The following SLC1A2 variants were observed in gnomAD, a reference collection of about 807,000 sequenced individuals.
SLC1A2 encodes the protein solute carrier family 1 member 2.
In SLC1A2, 15 loss-of-function variants were observed where a neutral mutation model predicts 48.8. The ratio of observed to expected loss-of-function variants is 0.31; its 90% confidence interval spans 0.21 to 0.47. The LOEUF (loss-of-function observed/expected upper bound fraction) is 0.47, where lower values mean the gene tolerates loss of function less well. SLC1A2 is among the 20% of genes least tolerant of loss of function. The pLI, the probability that SLC1A2 is intolerant of heterozygous loss-of-function variation, is 0.99. For synonymous variants in SLC1A2, 279 were observed against 272.6 expected (o/e 1.02, Z -0.23); for missense variants, 502 against 730.5 (o/e 0.69, Z 3.61).
intron 1 of SLC1A2, among the ~76,000 whole-genome samples, chr11:35,375,127 G>A (rs1189375250): frequency 6.6e-6 from 1 of 152,052 alleles, no homozygotes; most frequent in African/African-American, 2.4e-5. Context: ...GTGTAACATG[G>A]ATTTTTCAGA....
chr11:35,351,714 C>T (rs1246699925), intron 1 of SLC1A2, among the ~76,000 whole-genome samples: 2 of 152,186 alleles, frequency 1.3e-5, no homozygotes, highest in African/African-American at 4.8e-5. Flanking sequence ...CGGCTCACTA[C>T]AACCCTCTCC....
intron 9 of SLC1A2, among the ~76,000 whole-genome samples, chr11:35,267,424 T>C (rs1466848727): frequency 2.0e-5 from 3 of 152,186 alleles, no homozygotes; most frequent in Non-Finnish European, 4.4e-5. Flanking sequence ...CTTCCGGACA[T>C]TTAATAAGAA....
At chr11:35,321,578 A>G (rs895039938) in intron 1 of SLC1A2, among the ~76,000 whole-genome samples, 1 of 152,116 alleles carries the variant, frequency 6.6e-6, no homozygotes. Flanking sequence ...TCAAATGAAT[A>G]TGTAATAAGT....
intron 2 of SLC1A2, 60 bp from the exon 3 acceptor site, chr11:35,315,235 T>C (rs1851837639): frequency 3.9e-6 from 5 of 1,276,280 alleles, no homozygotes; most frequent in Non-Finnish European, 5.6e-6. Context: ...TGACTTACTC[T>C]AGACACTTAT....
At chr11:35,353,669 T>C (rs1853348587) in intron 1 of SLC1A2, among the ~76,000 whole-genome samples, 1 of 152,204 alleles carries the variant, frequency 6.6e-6, no homozygotes, top group Non-Finnish European at 1.5e-5. Context: ...CAAATATCCC[T>C]AATAGCAAGG....
chr11:35,366,213 G>A (rs1414028150), intron 1 of SLC1A2, among the ~76,000 whole-genome samples: 2 of 152,154 alleles, frequency 1.3e-5, no homozygotes, highest in East Asian at 1.9e-4. Flanking sequence ...CCCTGAAGAC[G>A]TCCTTTGCCA....
At chr11:35,389,053 C>T (rs777027957) in intron 1 of SLC1A2, among the ~76,000 whole-genome samples, 3 of 152,096 alleles carry the variant, frequency 2.0e-5, no homozygotes, top group African/African-American at 4.8e-5. Flanking sequence ...AATATACCCA[C>T]GTAACAAACA....
intron 4 of SLC1A2, among the ~76,000 whole-genome samples, chr11:35,311,697 G>C (rs1331066869): frequency 1.3e-5 from 2 of 151,710 alleles, no homozygotes; most frequent in Non-Finnish European, 2.9e-5. Context: ...GATTGTGTAG[G>C]GTATTTGTAT....
intron 1 of SLC1A2, among the ~76,000 whole-genome samples, chr11:35,335,198 G>A (rs1852584685): frequency 1.3e-5 from 2 of 152,084 alleles, no homozygotes; most frequent in African/African-American, 4.8e-5. Context: ...GTTGTGTATT[G>A]TTGTATTTTG....
intron 1 of SLC1A2, among the ~76,000 whole-genome samples, chr11:35,361,410 G>A (rs115649668): frequency 0.014 from 2,156 of 152,176 alleles, 59 homozygotes; most frequent in African/African-American, 0.049. Flanking sequence ...TTGATCCAAG[G>A]AACATACTCT....
intron 1 of SLC1A2, among the ~76,000 whole-genome samples, chr11:35,395,578 G>A (rs1224208151): frequency 6.6e-6 from 1 of 152,070 alleles, no homozygotes; most frequent in Non-Finnish European, 1.5e-5. Flanking sequence ...TCCATACTGG[G>A]TGGGAAGAAG....
intron 1 of SLC1A2, among the ~76,000 whole-genome samples, chr11:35,409,679 C>A (rs1034815648): frequency 1.2e-4 from 19 of 152,028 alleles, no homozygotes; most frequent in African/African-American, 4.6e-4. Context: ...GAGGCCTAGG[C>A]GGATGGATTA....
intron 1 of SLC1A2, chr11:35,370,814 G>C: frequency 3.8e-6 from 1 of 265,566 alleles, no homozygotes; most frequent in Non-Finnish European, 5.8e-6. Context: ...CAGCATTGCA[G>C]CAGCCAGGTA....
chr11:35,328,278 C>T (rs1339232872), intron 1 of SLC1A2, among the ~76,000 whole-genome samples: 1 of 152,208 alleles, frequency 6.6e-6, no homozygotes, highest in East Asian at 1.9e-4. Flanking sequence ...AACTCTGGTT[C>T]TTCACCGGGA....
In SLC1A2 at chr11:35,252,515, A is replaced by ACACC. The variant is rs1214557936; in HGVS notation, c.*8375_*8378dup. On this transcript the variant is annotated 3_prime_UTR_variant, in exon 11 of 11. Transcript: ENST00000278379. ...GACCTTTCACTAAGAACCAGGACACACACCCAGCCCATCCCTGCTCTGAAT... is the reference window on the plus strand; with the variant it reads ...GACCTTTCACTAAGAACCAGGACACACACCCACCCAGCCCATCCCTGCTCTGAAT... 1.3e-5 allele frequency: 2 copies of ACACC among 152,232 alleles called. No individual in the cohort carries two copies. Among genetic ancestry groups the ACACC allele is most frequent in the Non-Finnish European group, 2.9e-5 (2 of 68,056 alleles). 9.4% of individuals were successfully genotyped at this position (152,232 alleles called of 1,614,324 possible).
At chr11:35,317,861 T>C (rs546771884) in intron 1 of SLC1A2, among the ~76,000 whole-genome samples, 4 of 152,300 alleles carry the variant, frequency 2.6e-5, no homozygotes, top group African/African-American at 9.6e-5. Flanking sequence ...CAAATCCAGA[T>C]AGGTCTGGCT....
chr11:35,342,722 G>T (rs1010095680), intron 1 of SLC1A2, among the ~76,000 whole-genome samples: 2 of 151,956 alleles, frequency 1.3e-5, no homozygotes, highest in Non-Finnish European at 2.9e-5. Flanking sequence ...GGAGGTTGAG[G>T]CTGCAGTGAC....
chr11:35,277,118 A>G (rs1208722530), intron 9 of SLC1A2, among the ~76,000 whole-genome samples: 1 of 152,190 alleles, frequency 6.6e-6, no homozygotes. Flanking sequence ...TCACCTTTTA[A>G]AGGCCACACC....
intron 8 of SLC1A2, chr11:35,285,947 G>A (rs184436694): frequency 6.6e-6 from 1 of 152,244 alleles, no homozygotes; most frequent in African/African-American, 2.4e-5. Flanking sequence ...GGTTGGGAGT[G>A]ATAATATTAA....
Sources: allele counts gnomAD v4.1 joint callset (sites outside exome capture counted in the v4.1 genomes callset), GRCh38; gene constraint gnomAD v4.1.1; transcripts MANE v1.5; gene names NCBI Gene and HGNC (gene_info 2026-07-23, HGNC 2026-07-21).